VEPH1: variants seen among roughly 807,000 people sequenced by gnomAD.
VEPH1 encodes ventricular zone expressed PH domain containing 1.
Under a neutral mutation model 85.2 loss-of-function variants are expected in VEPH1, and 80 were observed. That is an observed-to-expected ratio of 0.94 (90% CI 0.78 to 1.13). The LOEUF is 1.13. Among genes scored for constraint, VEPH1 ranks in the 50% most tolerant of loss-of-function variants. VEPH1 has a pLI of 0.00. For synonymous variants in VEPH1, 297 were observed against 348.0 expected (o/e 0.85, Z 1.63); for missense variants, 955 against 980.5 (o/e 0.97, Z 0.35).
chr3:157,483,185 A>C (rs1360391199), intron 2 of VEPH1, among the ~76,000 whole-genome samples: 1 of 151,720 alleles, frequency 6.6e-6, no homozygotes, highest in African/African-American at 2.4e-5. Context: ...TATGCCATTT[A>C]TTCTATCACT....
intron 11 of VEPH1, among the ~76,000 whole-genome samples, chr3:157,287,121 C>T (rs1292253240): frequency 6.6e-6 from 1 of 152,040 alleles, no homozygotes; most frequent in South Asian, 2.1e-4. Context: ...GCCTGTAATC[C>T]CAACACTCTG....
intron 9 of VEPH1, among the ~76,000 whole-genome samples, chr3:157,343,496 A>G (rs1723834154): frequency 1.3e-5 from 2 of 152,228 alleles, no homozygotes; most frequent in South Asian, 4.1e-4. Context: ...GAATCCCTCA[A>G]TAGACCAATA....
At position 157,381,358 on chromosome 3, in the gene VEPH1, G is replaced by C; in HGVS notation, c.925C>G (p.Leu309Val). Residue 309 changes from leucine (L) to valine (V), a missense_variant, in exon 7 of 14, where the codon CTG (leucine) becomes GTG (valine). By Grantham distance (32) the Leu-to-Val change is conservative. Coordinates refer to ENST00000362010, the MANE Select transcript of VEPH1 (RefSeq NM_001167912.2). Reference protein sequence around the residue: ...HVDEERARSCLTYLVSQLANM... With the variant: ...HVDEERARSCVTYLVSQLANM... ...GCCAGTTGGCTCACCAGGTATGTCA[G>C]GCAGCTCCTGGCTCTCTCCTACCAA... The C allele has an allele frequency of 6.2e-7, 1 of 1,614,142 alleles. No homozygotes were observed. The highest frequency in any genetic ancestry group is 1.3e-5 in the African/African-American group (1 of 75,036).
chr3:157,326,579 T>G (rs1048159148), intron 9 of VEPH1, among the ~76,000 whole-genome samples: 8 of 152,178 alleles, frequency 5.3e-5, no homozygotes, highest in African/African-American at 1.9e-4. Context: ...GGTGACAGCT[T>G]GGTCAGTTCT....
intron 12 of VEPH1, among the ~76,000 whole-genome samples, chr3:157,266,013 T>C (rs759056547): frequency 4.7e-5 from 7 of 149,616 alleles, no homozygotes; most frequent in Non-Finnish European, 7.4e-5. Flanking sequence ...CCAAATTAAT[T>C]TGGAACAGTT....
intron 4 of VEPH1, among the ~76,000 whole-genome samples, chr3:157,439,161 CT>C (rs1733912557): frequency 6.6e-6 from 1 of 152,270 alleles, no homozygotes; most frequent in African/African-American, 2.4e-5. Context: ...AATTAGAATT[CT>C]GCAGCCATTT....
chr3:157,497,223 G>T (rs1273266670), intron 1 of VEPH1, among the ~76,000 whole-genome samples: 3 of 152,130 alleles, frequency 2.0e-5, no homozygotes, highest in Non-Finnish European at 4.4e-5. Flanking sequence ...TGTGAGCAGG[G>T]TTATCAAGCA....
intron 4 of VEPH1, among the ~76,000 whole-genome samples, chr3:157,441,062 C>T (rs1468359870): frequency 1.3e-5 from 2 of 152,174 alleles, no homozygotes; most frequent in Non-Finnish European, 2.9e-5. Context: ...AATGGAAGGG[C>T]CTTTTTTAGA....
At chr3:157,307,111 G>A (rs971540621) in intron 11 of VEPH1, among the ~76,000 whole-genome samples, 2 of 151,844 alleles carry the variant, frequency 1.3e-5, no homozygotes. Context: ...TTTATGATCA[G>A]CTTTAAATGG....
At chr3:157,348,880 C>T (rs1435178794) in intron 9 of VEPH1, among the ~76,000 whole-genome samples, 1 of 152,226 alleles carries the variant, frequency 6.6e-6, no homozygotes, top group Non-Finnish European at 1.5e-5. Flanking sequence ...AATGGCCCTG[C>T]AGCACCCCCT....
intron 6 of VEPH1, among the ~76,000 whole-genome samples, chr3:157,397,562 T>A (rs1730504442): frequency 6.6e-6 from 1 of 150,638 alleles, no homozygotes; most frequent in South Asian, 2.1e-4. Flanking sequence ...GTATGGTATG[T>A]TTTTTCATTT....
intron 11 of VEPH1, among the ~76,000 whole-genome samples, chr3:157,289,056 T>G (rs573709994): frequency 6.6e-6 from 1 of 152,380 alleles, no homozygotes; most frequent in South Asian, 2.1e-4. Flanking sequence ...CTGGGAATTT[T>G]GTGAGTTTCA....
At chr3:157,277,043 G>A (rs144142035) in intron 12 of VEPH1, among the ~76,000 whole-genome samples, 13 of 152,134 alleles carry the variant, frequency 8.5e-5, no homozygotes, top group African/African-American at 1.7e-4. Context: ...ACAGGCATGC[G>A]CCACCACAGG....
intron 6 of VEPH1, among the ~76,000 whole-genome samples, chr3:157,407,789 G>C (rs924489744): frequency 2.6e-5 from 4 of 152,128 alleles, no homozygotes; most frequent in African/African-American, 9.7e-5. Flanking sequence ...AAGTAATAAA[G>C]TGCTGGCATT....
At chr3:157,461,699 G>A (rs1735888704) in intron 3 of VEPH1, among the ~76,000 whole-genome samples, 1 of 152,054 alleles carries the variant, frequency 6.6e-6, no homozygotes, top group African/African-American at 2.4e-5. Context: ...TAGAAATGGG[G>A]CAATTGGGTC....
chr3:157,298,539 A>C (rs1391862835), intron 11 of VEPH1, among the ~76,000 whole-genome samples: 6 of 152,184 alleles, frequency 3.9e-5, no homozygotes, highest in African/African-American at 1.4e-4. Flanking sequence ...AGGTCTGAGA[A>C]CTACTCCATG....
At chr3:157,348,103 C>A (rs1224546692) in intron 9 of VEPH1, among the ~76,000 whole-genome samples, 1 of 152,136 alleles carries the variant, frequency 6.6e-6, no homozygotes, top group Admixed American at 6.5e-5. Flanking sequence ...AGGGAAACCA[C>A]CTCATGCTCT....
chr3:157,345,980 G>A (rs995104124), intron 9 of VEPH1, among the ~76,000 whole-genome samples: 1 of 150,764 alleles, frequency 6.6e-6, no homozygotes, highest in African/African-American at 2.4e-5. Context: ...ATTGAACAAT[G>A]AGAACACTTG....
At chr3:157,269,642 G>GTTTTTTTTTTTTTTTTTTTTTGTTT (rs11408861) in intron 12 of VEPH1, among the ~76,000 whole-genome samples, 1 of 115,456 alleles carries the variant, frequency 8.7e-6, no homozygotes, top group Non-Finnish European at 1.7e-5. Context: ...TGTTTTTGTT[G>GTTTTTTTTTTTTTTTTTTTTTGTTT]TTTTTTTTTT....
Sources: allele counts gnomAD v4.1 joint callset (sites outside exome capture counted in the v4.1 genomes callset), GRCh38; gene constraint gnomAD v4.1.1; transcripts MANE v1.5; gene names NCBI Gene and HGNC (gene_info 2026-07-23, HGNC 2026-07-21).